The following ZNF578 variants were observed in gnomAD, a reference collection of about 807,000 sequenced individuals.
ZNF578 encodes Putative chemokine-related protein B42.
In ZNF578, 8 loss-of-function variants were observed where a neutral mutation model predicts 8.3. The observed-to-expected ratio is 0.96, with a 90% CI of 0.56 to 1.74. ZNF578 has a LOEUF of 1.74. ZNF578 is among the 40% of genes most tolerant of loss of function. The pLI is 0.00. For missense variants in ZNF578, 726 were observed against 707.5 expected (o/e 1.03, Z -0.30); for synonymous variants, 206 against 232.2 (o/e 0.89, Z 1.03).
At chr19:52,465,374 CTGGAGGGGATTGGCA>C (rs1403005037) in intron 2 of ZNF578, among the ~76,000 whole-genome samples, 1 of 152,118 alleles carries the variant, frequency 6.6e-6, no homozygotes, top group Non-Finnish European at 1.5e-5. Context: ...TTTAGGGAAA[CTGGAGGGGATTGGCA>C]TAAATCACCT....
chr19:52,474,112 TA>T, intron 2 of ZNF578: 1 of 358,018 alleles, frequency 2.8e-6, no homozygotes, highest in South Asian at 2.4e-5. Context: ...TGCTTAGGGA[TA>T]AACTATGCCT....
chr19:52,504,864 T>C, intron 5 of ZNF578, 83 bp downstream of exon 5: 1 of 1,579,286 alleles, frequency 6.3e-7, no homozygotes, highest in Non-Finnish European at 8.5e-7. Context: ...CTTTTGTGAT[T>C]TTGCCCCATA....
At chr19:52,494,176 G>A (rs760171071) in intron 3 of ZNF578, among the ~76,000 whole-genome samples, 7 of 151,828 alleles carry the variant, frequency 4.6e-5, no homozygotes, top group Non-Finnish European at 8.8e-5. Flanking sequence ...AAAGAATTAG[G>A]GAGGGAAGCA....
chr19:52,459,769 A>ATAT lies in ZNF578; in HGVS notation c.-122+2812_-122+2813insATT, dbSNP rs1555751349. Among the ~76,000 whole-genome samples, 38 of 17,620 alleles carry ATAT rather than the reference A, an allele frequency of 2.2e-3. 4 individuals are homozygous for ATAT. The highest frequency in any genetic ancestry group is 0.018 in the South Asian group (3 of 164). 11.6% of individuals were successfully genotyped at this position (17,620 alleles called of 152,430 possible). A position where few individuals can be genotyped will look rare whatever the true frequency, so the allele number is the denominator to read the frequency against. On this transcript the variant is annotated intron_variant, in intron 2 of 5. Coordinates refer to ENST00000421239, the MANE Select transcript of ZNF578 (RefSeq NM_001099694.2). ...TGTGTGTGTATATATATATATATATATTTTTTTTTTTTTTTTTTTTTTTTG... is the reference window on the plus strand; with the variant it reads ...TGTGTGTGTATATATATATATATATATATTTTTTTTTTTTTTTTTTTTTTTTTG...
rs1410021802 is a variant in ZNF578, at chr19:52,516,705, C to A, written c.*4551C>A. The stretch of plus-strand genomic sequence containing the variant: ...GAAGGCTCTTTGTAATCCTCCCCAC[C>A]CTTGAGAATGGACTTGGTGAGATCC... On this transcript the variant is annotated 3_prime_UTR_variant, in exon 6 of 6. Transcript: ENST00000421239. Among the ~76,000 whole-genome samples the A allele has an allele frequency of 1.3e-5, 2 of 152,178 alleles. No individual in the cohort carries two copies. The highest frequency in any genetic ancestry group is 2.9e-5 in the Non-Finnish European group (2 of 68,044).
In ZNF578 at chr19:52,489,220, C is replaced by A. The variant is rs1488622147; in HGVS notation, c.-121-2104C>A. 4.6e-5 allele frequency among the ~76,000 whole-genome samples: 7 copies of A among 152,086 alleles called. 2 individuals are homozygous for A. In the East Asian group the frequency reaches 1.4e-3, roughly 30 times the overall value. On this transcript the variant is annotated intron_variant, in intron 2 of 5. Transcript: ENST00000421239. ...GAGAATCATGCCACAATAGTGCAGC[C>A]TGAGTGACAGAGCATGACTTGGTCT...
chr19:52,464,203 A>C (rs867562906), intron 2 of ZNF578, among the ~76,000 whole-genome samples: 1 of 152,224 alleles, frequency 6.6e-6, no homozygotes. Context: ...AATCACCATT[A>C]GGGAGTGCAA....
rs1001605775 is a variant in ZNF578, at chr19:52,470,292, A to T, written c.-122+13334A>T. ...CTTCTTTGCCTCTAGACCTGTAACT[A>T]GACTCAAGTCCCAGTGGCTGCTAGA... On this transcript the variant is annotated intron_variant, in intron 2 of 5. Transcript: ENST00000421239. Among the ~76,000 whole-genome samples the T allele has an allele frequency of 2.6e-5, 4 of 152,284 alleles. 1 individual carries two copies. Among genetic ancestry groups the T allele is most frequent in the Admixed American group, 6.5e-5 (1 of 15,298 alleles).
In ZNF578 at chr19:52,504,904, G is replaced by T. The variant is rs776479930; in HGVS notation, c.190+123G>T. ...GTTTTTTTGTTTGATTGTTTGTTTG[G>T]TTTGAGATGGATCTTTGCTCTTGTT... On this transcript the variant is annotated intron_variant, in intron 5 of 5. Coordinates refer to ENST00000421239, the MANE Select transcript of ZNF578 (RefSeq NM_001099694.2). The T allele has an allele frequency of 3.8e-4, 329 of 858,198 alleles. 1 individual carries two copies. Among genetic ancestry groups the T allele is most frequent in the Non-Finnish European group, 6.3e-5 (40 of 634,850 alleles). 53.2% of individuals were successfully genotyped at this position (858,198 alleles called of 1,614,324 possible).
At chr19:52,497,613 TTC>T (rs1419360325) in intron 3 of ZNF578, among the ~76,000 whole-genome samples, 6 of 152,240 alleles carry the variant, frequency 3.9e-5, no homozygotes, top group Non-Finnish European at 8.8e-5. Flanking sequence ...TTAAAATTGT[TTC>T]TCTGTGAAAT....
At chr19:52,488,578 C>T (rs896734037) in intron 2 of ZNF578, among the ~76,000 whole-genome samples, 4 of 150,830 alleles carry the variant, frequency 2.7e-5, no homozygotes, top group Non-Finnish European at 5.9e-5. Context: ...CACTGCACTC[C>T]AGCCTGGGCG....
At chr19:52,499,852 T>A (rs1363248703) in intron 3 of ZNF578, among the ~76,000 whole-genome samples, 1 of 152,016 alleles carries the variant, frequency 6.6e-6, no homozygotes, top group Non-Finnish European at 1.5e-5. Context: ...TGCTTTTGGG[T>A]TGTGGGAGAA....
Position 52,514,626 on chromosome 19 carries a change from C to T in ZNF578, c.*2472C>T, listed in dbSNP as rs1024372109. Among the ~76,000 whole-genome samples the T allele has an allele frequency of 4.6e-5, 7 of 152,160 alleles. No homozygotes were observed. The highest frequency in any genetic ancestry group is 1.9e-4 in the East Asian group (1 of 5,196). ...TTCTGGAAAAATGTTGAAACATGGG[C>T]TGGAGTGGCATAGAGCGCTGCTCCA... On this transcript the variant is annotated 3_prime_UTR_variant, in exon 6 of 6. Transcript: ENST00000421239.
At chr19:52,460,170 C>T (rs2059253509) in intron 2 of ZNF578, among the ~76,000 whole-genome samples, 2 of 151,902 alleles carry the variant, frequency 1.3e-5, no homozygotes, top group African/African-American at 4.8e-5. Context: ...CACCCATGCC[C>T]AGAAGTGGGA....
chr19:52,470,631 C>T (rs761263544), intron 2 of ZNF578, among the ~76,000 whole-genome samples: 2 of 152,252 alleles, frequency 1.3e-5, no homozygotes, highest in East Asian at 1.9e-4. Flanking sequence ...GACTGCCAGA[C>T]GGCTAGAACA....
chr19:52,458,468 T>TTATGTATATATATA (rs2059246198), intron 2 of ZNF578: 1 of 121,752 alleles, frequency 8.2e-6, no homozygotes, highest in South Asian at 2.4e-4. Context: ...GCTACTATGT[T>TTATGTATATATATA]TATATATATA....
intron 3 of ZNF578, among the ~76,000 whole-genome samples, chr19:52,497,100 T>A (rs1192992983): frequency 6.6e-6 from 1 of 151,112 alleles, no homozygotes; most frequent in Admixed American, 6.6e-5. Flanking sequence ...GCCTGGCTAT[T>A]GTTTAGATAT....
intron 3 of ZNF578, among the ~76,000 whole-genome samples, chr19:52,499,501 A>G (rs73583041): frequency 6.6e-6 from 1 of 152,154 alleles, no homozygotes; most frequent in African/African-American, 2.4e-5. Context: ...CCCCAAACAC[A>G]TTCCCTTGCA....
At chr19:52,485,277 G>T (rs186628858) in intron 2 of ZNF578, among the ~76,000 whole-genome samples, 2 of 152,314 alleles carry the variant, frequency 1.3e-5, no homozygotes, top group East Asian at 3.9e-4. Context: ...GAGCCAGAAC[G>T]TGGGGCTGTG....
Sources: gnomAD v4.1 joint callset for allele counts (sites outside exome capture counted in the v4.1 genomes callset) on GRCh38, gnomAD v4.1.1 for gene constraint, MANE v1.5 for transcripts, NCBI Gene and HGNC (gene_info 2026-07-23, HGNC 2026-07-21) for gene names.